ENOX1: variants seen among roughly 807,000 people sequenced by gnomAD.
ENOX1 encodes candidate growth-related and time keeping constitutive hydroquinone (NADH) oxidase.
Under a neutral mutation model 82.5 loss-of-function variants are expected in ENOX1, and 42 were observed. That is an observed-to-expected ratio of 0.51 (90% CI 0.40 to 0.66). ENOX1 has a LOEUF of 0.66. Among genes scored for constraint, ENOX1 ranks in the 30% least tolerant of loss-of-function variants. The probability of loss-of-function intolerance (pLI) is 0.00; values close to 1 mark genes in which losing one functional copy is unlikely to be tolerated. For synonymous variants in ENOX1, 271 were observed against 282.2 expected (o/e 0.96, Z 0.40); for missense variants, 608 against 811.6 (o/e 0.75, Z 3.05).
At chr13:43,709,741 C>A (rs2087561710) in intron 1 of ENOX1, among the ~76,000 whole-genome samples, 1 of 152,054 alleles carries the variant, frequency 6.6e-6, no homozygotes, top group African/African-American at 2.4e-5. Context: ...ACAGAAATAA[C>A]TACAAACTGA....
At chr13:43,344,405 T>G in intron 9 of ENOX1, 133 bp downstream of exon 9, 1 of 731,550 alleles carries the variant, frequency 1.4e-6, no homozygotes, top group Non-Finnish European at 2.3e-6. Context: ...AAATAGGTTA[T>G]GAAGTTTGCC....
intron 1 of ENOX1, among the ~76,000 whole-genome samples, chr13:43,740,824 TTTC>T (rs1255630683): frequency 6.6e-6 from 1 of 152,236 alleles, no homozygotes; most frequent in Non-Finnish European, 1.5e-5. Flanking sequence ...CAGTACTTCA[TTTC>T]TTTTTATCGA....
intron 2 of ENOX1, chr13:43,545,280 T>C (rs1301845087): frequency 2.0e-5 from 3 of 152,250 alleles, no homozygotes; most frequent in Admixed American, 2.0e-4. Context: ...TGTACGAAGT[T>C]ACTGAGTTTT....
intron 5 of ENOX1, among the ~76,000 whole-genome samples, chr13:43,404,962 C>T (rs760391377): frequency 2.6e-5 from 4 of 152,106 alleles, no homozygotes; most frequent in South Asian, 2.1e-4. Flanking sequence ...CTTTAGAGAC[C>T]CCCACTGGTA....
chr13:43,704,852 C>A (rs141622110), intron 1 of ENOX1, among the ~76,000 whole-genome samples: 2 of 152,210 alleles, frequency 1.3e-5, no homozygotes, highest in East Asian at 1.9e-4. Context: ...TTAAGTCCTG[C>A]CAGATAGTGG....
intron 15 of ENOX1, among the ~76,000 whole-genome samples, chr13:43,229,105 A>G (rs2042159473): frequency 6.6e-6 from 1 of 152,200 alleles, no homozygotes; most frequent in African/African-American, 2.4e-5. Flanking sequence ...TGATGGTTTT[A>G]TAAGGGGAAA....
intron 12 of ENOX1, among the ~76,000 whole-genome samples, chr13:43,274,750 G>A (rs190181931): frequency 6.6e-6 from 1 of 152,336 alleles, no homozygotes; most frequent in Non-Finnish European, 1.5e-5. Context: ...CAATCAAGTG[G>A]AAACACTTGG....
chr13:43,683,526 G>C (rs984210509), intron 1 of ENOX1, among the ~76,000 whole-genome samples: 1 of 152,028 alleles, frequency 6.6e-6, no homozygotes, highest in Non-Finnish European at 1.5e-5. Flanking sequence ...CTTCAGTTGG[G>C]TTTTTGGGAT....
chr13:43,433,567 A>G (rs2055816756), intron 3 of ENOX1, among the ~76,000 whole-genome samples: 1 of 152,230 alleles, frequency 6.6e-6, no homozygotes, highest in African/African-American at 2.4e-5. Flanking sequence ...ACATACACAT[A>G]TATGTTTATT....
chr13:43,548,926 T>C (rs2079078069), intron 2 of ENOX1, among the ~76,000 whole-genome samples: 1 of 152,188 alleles, frequency 6.6e-6, no homozygotes, highest in Non-Finnish European at 1.5e-5. Context: ...ATTGTTTACT[T>C]GAAAATGGTT....
chr13:43,347,750 A>T (rs2049483752), intron 8 of ENOX1, among the ~76,000 whole-genome samples: 1 of 152,242 alleles, frequency 6.6e-6, no homozygotes. Flanking sequence ...GCTTGTAAAA[A>T]TCACATCAAA....
At chr13:43,745,953 T>A (rs1403759972) in intron 1 of ENOX1, among the ~76,000 whole-genome samples, 1 of 152,168 alleles carries the variant, frequency 6.6e-6, no homozygotes, top group Non-Finnish European at 1.5e-5. Flanking sequence ...CACTGAACTG[T>A]GAGTCTTTCC....
chr13:43,304,544 T>G (rs1252117367), intron 11 of ENOX1, among the ~76,000 whole-genome samples: 1 of 152,168 alleles, frequency 6.6e-6, no homozygotes, highest in African/African-American at 2.4e-5. Flanking sequence ...ACATTCAATT[T>G]CTGGCTCTAT....
At chr13:43,706,357 GA>G (rs202241037) in intron 1 of ENOX1, among the ~76,000 whole-genome samples, 18 of 148,848 alleles carry the variant, frequency 1.2e-4, no homozygotes, top group Middle Eastern at 6.9e-3. Context: ...TGGGTTCTTG[GA>G]AAAAAAAAGA....
At chr13:43,356,310 C>T (rs745499217) in intron 7 of ENOX1, among the ~76,000 whole-genome samples, 158 bp from the exon 8 acceptor site, 31 of 152,138 alleles carry the variant, frequency 2.0e-4, no homozygotes, top group Admixed American at 5.2e-4. Context: ...TCCTTTTCCC[C>T]AGCAATCTTG....
intron 8 of ENOX1, among the ~76,000 whole-genome samples, chr13:43,345,516 T>C (rs1439051580): frequency 6.6e-6 from 1 of 152,040 alleles, no homozygotes; most frequent in African/African-American, 2.4e-5. Context: ...TGAAAATAAG[T>C]GATAAAGTCT....
intron 2 of ENOX1, among the ~76,000 whole-genome samples, chr13:43,535,379 C>T (rs919394069): frequency 1.3e-5 from 2 of 152,176 alleles, no homozygotes; most frequent in African/African-American, 4.8e-5. Context: ...GACTATGTAG[C>T]AAGATCCATC....
At position 43,636,081 on chromosome 13, in the gene ENOX1, T is replaced by A. The variant is rs193109746; in HGVS notation, c.-219+31398A>T. Among the ~76,000 whole-genome samples, 14 of 152,180 alleles carry A rather than the reference T, an allele frequency of 9.2e-5. No homozygotes were observed. The East Asian group carries it at 2.3e-3, about 25-fold the overall frequency. On this transcript the variant is annotated intron_variant, in intron 2 of 16. Coordinates refer to ENST00000690772, the MANE Select transcript of ENOX1 (RefSeq NM_001347969.2). ...GGACCAAATAACTAAGAGAGTTCTG[T>A]CCTACACCACCTCAGGCTGCCTGAG...
intron 1 of ENOX1, among the ~76,000 whole-genome samples, chr13:43,754,733 T>A (rs1330988860): frequency 6.6e-6 from 1 of 152,024 alleles, no homozygotes; most frequent in Non-Finnish European, 1.5e-5. Context: ...GACAGGTGCA[T>A]GCCACCACAC....
Sources: gnomAD v4.1 joint callset for allele counts (sites outside exome capture counted in the v4.1 genomes callset) on GRCh38, gnomAD v4.1.1 for gene constraint, MANE v1.5 for transcripts, NCBI Gene and HGNC (gene_info 2026-07-23, HGNC 2026-07-21) for gene names.